The following ASTN1 variants were observed in gnomAD, a reference collection of about 807,000 sequenced individuals.
ASTN1 encodes the protein astrotactin 1.
In ASTN1, 41 loss-of-function variants were observed where a neutral mutation model predicts 140.7. The observed-to-expected ratio is 0.29, with a 90% CI of 0.23 to 0.38. ASTN1 has a LOEUF of 0.38. ASTN1 is among the 10% of genes least tolerant of loss of function. ASTN1 has a pLI of 1.00. For synonymous variants in ASTN1, 640 were observed against 652.2 expected, an observed-to-expected ratio of 0.98 and a Z score of 0.29; for missense variants, 1,479 against 1,678.8, an observed-to-expected ratio of 0.88 and a Z score of 2.08.
chr1:177,157,350 C>G (rs1424425078), intron 1 of ASTN1, among the ~76,000 whole-genome samples: 2 of 152,056 alleles, frequency 1.3e-5, no homozygotes, highest in African/African-American at 4.8e-5. Context: ...AGGTCTTACT[C>G]TGTTACCCAG....
chr1:176,945,965 T>C lies in ASTN1; in HGVS notation c.2210A>G (p.Lys737Arg), dbSNP rs35946265. ...EMFFGYNNHSKEVAAGQVLKG... is the reference protein window; with the variant it reads ...EMFFGYNNHSREVAAGQVLKG... ...CAGCACCTGTCCGGCAGCCACTTCC[T>C]TGGAATGGTTGTTGTAACCAAAGAA... Residue 737 changes from lysine to arginine, a missense_variant, in exon 13 of 23, where the codon AAG (lysine) becomes AGG (arginine). This residue lies in a region of ASTN1 where 746 missense variants were observed against 800.9 expected (regional missense o/e 0.93). Coordinates refer to ENST00000361833, the MANE Select transcript of ASTN1 (RefSeq NM_004319.3). 4.3e-4 allele frequency: 699 copies of C among 1,613,832 alleles called. 1 individual carries two copies. In the African/African-American group the frequency reaches 7.7e-3, roughly 18 times the overall value.
At chr1:176,868,823 T>C in intron 22 of ASTN1, 21 bp downstream of exon 22, 1 of 1,575,300 alleles carries the variant, frequency 6.3e-7, no homozygotes, top group Non-Finnish European at 8.6e-7. Context: ...TTTAAAAGGG[T>C]TGACTTAGTT....
intron 1 of ASTN1, among the ~76,000 whole-genome samples, chr1:177,109,392 A>G (rs1464280758): frequency 6.6e-6 from 1 of 152,128 alleles, no homozygotes; most frequent in Non-Finnish European, 1.5e-5. Flanking sequence ...TGAAACTTCA[A>G]AAGTGTTTTA....
At chr1:176,872,769 C>CG (rs1668402888) in intron 21 of ASTN1, among the ~76,000 whole-genome samples, 1 of 152,166 alleles carries the variant, frequency 6.6e-6, no homozygotes, top group Admixed American at 6.5e-5. Context: ...AATCTCTGTA[C>CG]CGCTGCTCCC....
intron 2 of ASTN1, among the ~76,000 whole-genome samples, chr1:177,056,505 A>C (rs1426116858): frequency 6.6e-6 from 1 of 151,850 alleles, no homozygotes; most frequent in Non-Finnish European, 1.5e-5. Flanking sequence ...GTGACTAAGA[A>C]GGCTGAACCA....
At chr1:177,011,762 T>A (rs909039685) in intron 8 of ASTN1, among the ~76,000 whole-genome samples, 3 of 151,706 alleles carry the variant, frequency 2.0e-5, no homozygotes, top group Non-Finnish European at 4.4e-5. Context: ...CACATGCACA[T>A]TCAGGACCAG....
In ASTN1 at chr1:176,932,754, C is replaced by G. The variant is rs1184209571; in HGVS notation, c.2671+1398G>C. Among the ~76,000 whole-genome samples the G allele has an allele frequency of 2.0e-5, 3 of 152,204 alleles. No homozygotes were observed. In the East Asian group the frequency reaches 5.8e-4, roughly 29 times the overall value. On this transcript the variant is annotated intron_variant, in intron 16 of 22. Coordinates refer to ENST00000361833, the MANE Select transcript of ASTN1 (RefSeq NM_004319.3). ...TGGATTCAGTATTTAACCTTAAGGA[C>G]ACTGCATTGCTTGGGAGAGAGGCAA...
chr1:177,047,289 C>T (rs1677284892), intron 2 of ASTN1, among the ~76,000 whole-genome samples: 1 of 152,136 alleles, frequency 6.6e-6, no homozygotes, highest in African/African-American at 2.4e-5. Flanking sequence ...AGAGGAAAGA[C>T]ATTTTCAGCC....
intron 8 of ASTN1, among the ~76,000 whole-genome samples, chr1:177,012,593 G>A (rs907744128): frequency 2.6e-5 from 4 of 152,172 alleles, no homozygotes; most frequent in Non-Finnish European, 5.9e-5. Context: ...CACTGCTTTA[G>A]CCTGTCTTGT....
At chr1:176,936,170 GCT>G in intron 15 of ASTN1, 94 bp downstream of exon 15, 1 of 1,054,752 alleles carries the variant, frequency 9.5e-7, no homozygotes, top group Non-Finnish European at 1.5e-6. Flanking sequence ...TACATTTTAG[GCT>G]GCATCTTCGA....
chr1:177,094,580 C>G (rs1406388405), intron 1 of ASTN1, among the ~76,000 whole-genome samples: 1 of 152,184 alleles, frequency 6.6e-6, no homozygotes, highest in African/African-American at 2.4e-5. Flanking sequence ...TCTTGGACTT[C>G]CCAGCCTCTG....
At chr1:177,024,364 A>G (rs1247238666) in intron 6 of ASTN1, among the ~76,000 whole-genome samples, 1 of 152,238 alleles carries the variant, frequency 6.6e-6, no homozygotes, top group Non-Finnish European at 1.5e-5. Flanking sequence ...GGGAGATGGC[A>G]TAGAGAAGAA....
chr1:177,129,796 G>A (rs572084261), intron 1 of ASTN1, among the ~76,000 whole-genome samples: 2 of 152,076 alleles, frequency 1.3e-5, no homozygotes, highest in East Asian at 3.9e-4. Context: ...GTGAAACCCC[G>A]TCTCTGCTTA....
intron 2 of ASTN1, among the ~76,000 whole-genome samples, chr1:177,034,849 G>A (rs912686228): frequency 6.6e-6 from 1 of 152,174 alleles, no homozygotes; most frequent in African/African-American, 2.4e-5. Flanking sequence ...GAAAACGAGA[G>A]GTAATTTTAT....
At chr1:176,985,589 G>T (rs1673853560) in intron 8 of ASTN1, among the ~76,000 whole-genome samples, 1 of 151,944 alleles carries the variant, frequency 6.6e-6, no homozygotes, top group African/African-American at 2.4e-5. Context: ...GCTACCTGGT[G>T]GCTCCCTGGT....
At chr1:176,859,166 T>C (rs1667890839), downstream of ASTN1, among the ~76,000 whole-genome samples, 3 of 152,198 alleles carry the variant, frequency 2.0e-5, no homozygotes. Flanking sequence ...GTTTTTTCCT[T>C]GTCCCAAATT....
At chr1:176,864,963 T>A (rs981702976) in intron 22 of ASTN1, among the ~76,000 whole-genome samples, 8 of 152,206 alleles carry the variant, frequency 5.3e-5, no homozygotes, top group African/African-American at 1.9e-4. Context: ...TATGTTGAAC[T>A]GAAAAGGATA....
chr1:176,972,832 A>G (rs542759006), intron 8 of ASTN1, among the ~76,000 whole-genome samples: 1 of 152,338 alleles, frequency 6.6e-6, no homozygotes, highest in Non-Finnish European at 1.5e-5. Flanking sequence ...GTGTAAGTGC[A>G]GGAGCCAGAC....
rs143385622 is a variant in ASTN1 at position 176,964,421 on chromosome 1, T to C, written c.1598+742A>G. Among the ~76,000 whole-genome samples the C allele has an allele frequency of 1.3e-4, 20 of 152,300 alleles. No homozygotes were observed. The East Asian group carries it at 3.9e-3, about 29-fold the overall frequency. ...AGGAACTCAGCAAATGTATGTTAAG[T>C]GAATGATAGATTGACAAAATGAATG... is the stretch of plus-strand genomic sequence containing the variant. On this transcript the variant is annotated intron_variant, in intron 9 of 22. Coordinates refer to ENST00000361833, the MANE Select transcript of ASTN1 (RefSeq NM_004319.3).
Sources: allele counts gnomAD v4.1 joint callset (sites outside exome capture counted in the v4.1 genomes callset), GRCh38; gene constraint gnomAD v4.1.1; regional missense constraint gnomAD v4.1.1; transcripts MANE v1.5; gene names NCBI Gene and HGNC (gene_info 2026-07-23, HGNC 2026-07-21).